The following DLC1 variants were observed in gnomAD, a reference collection of about 807,000 sequenced individuals.
DLC1 encodes DLC1 Rho GTPase activating protein.
In DLC1, 54 loss-of-function variants were observed where a neutral mutation model predicts 140.3. The observed-to-expected ratio is 0.38, with a 90% confidence interval of 0.31 to 0.48. The LOEUF (loss-of-function observed/expected upper bound fraction) is 0.48. Ranked by LOEUF, DLC1 falls within the 20% of genes least tolerant of loss-of-function variation. The pLI is 0.96. For synonymous variants in DLC1, 986 were observed against 728.1 expected (o/e 1.35, Z -5.70); for missense variants, 2,536 against 1,907.0 (o/e 1.33, Z -6.14).
chr8:13,374,465 AGGG>A (rs1023977193), intron 4 of DLC1, among the ~76,000 whole-genome samples: 1 of 152,132 alleles, frequency 6.6e-6, no homozygotes, highest in African/African-American at 2.4e-5. Flanking sequence ...GAGTGAGGGA[AGGG>A]GGCCAAAATT....
rs1838825354 is a variant in DLC1, at chr8:13,430,721, G to T, written c.1024-29102C>A. On this transcript the variant is annotated intron_variant, in intron 2 of 17. Coordinates refer to ENST00000276297, the MANE Select transcript of DLC1 (RefSeq NM_182643.3). ...TAAAAATCTAGACAATGGGAAGGCT[G>T]AAAAGAATCAACATTTATTTCTTGG... Among the ~76,000 whole-genome samples, 3 of 152,140 alleles carry T rather than the reference G, an allele frequency of 2.0e-5. No individual in the cohort carries two copies. The South Asian group carries it at 6.2e-4, about 32-fold the overall frequency.
At chr8:13,568,501 A>C (rs1308714691) in intron 1 of DLC1, among the ~76,000 whole-genome samples, 1 of 152,130 alleles carries the variant, frequency 6.6e-6, no homozygotes, top group Non-Finnish European at 1.5e-5. Flanking sequence ...GGTGCAAAAT[A>C]AATTGGGGTA....
At chr8:13,369,373 A>AT (rs1163474253) in intron 4 of DLC1, among the ~76,000 whole-genome samples, 1 of 150,564 alleles carries the variant, frequency 6.6e-6, no homozygotes, top group Non-Finnish European at 1.5e-5. Flanking sequence ...AAAAAAAAAA[A>AT]GATTACAAAT....
At chr8:13,542,307 A>G (rs1803510702) in intron 1 of DLC1, among the ~76,000 whole-genome samples, 3 of 152,168 alleles carry the variant, frequency 2.0e-5, no homozygotes, top group African/African-American at 2.4e-5. Flanking sequence ...TGAAAGGACA[A>G]TTCTTTCTTC....
At chr8:13,234,229 A>C (rs1233231349) in intron 5 of DLC1, among the ~76,000 whole-genome samples, 1 of 152,168 alleles carries the variant, frequency 6.6e-6, no homozygotes, top group Non-Finnish European at 1.5e-5. Flanking sequence ...TCAAAGCTTA[A>C]GGCCAAGTCA....
Position 13,353,407 on chromosome 8 carries a change from G to T in DLC1, c.1314+40146C>A, listed in dbSNP as rs181680895. 7 of 151,868 alleles carry T rather than the reference G, an allele frequency of 4.6e-5. No individual in the cohort carries two copies. In the South Asian group the frequency reaches 1.3e-3, roughly 27 times the overall value. The allele number at this position is 151,868 out of a possible 1,614,324, so 9.4% of individuals were successfully genotyped here. Reference sequence around the variant, plus strand: ...AAAACAACAACAGGCCAGGCGTTCTGGTTGGTTGCCCCATTGAGTAATGAT... The same window carrying T: ...AAAACAACAACAGGCCAGGCGTTCTTGTTGGTTGCCCCATTGAGTAATGAT... On this transcript the variant is annotated intron_variant, in intron 4 of 17. Transcript: ENST00000276297.
chr8:13,241,866 C>G (rs1381823139), intron 5 of DLC1, among the ~76,000 whole-genome samples: 1 of 152,074 alleles, frequency 6.6e-6, no homozygotes, highest in African/African-American at 2.4e-5. Context: ...CTCTTAGCAG[C>G]TTGCCTTGTG....
intron 1 of DLC1, among the ~76,000 whole-genome samples, chr8:13,534,294 A>G (rs1803195752): frequency 6.6e-6 from 1 of 152,130 alleles, no homozygotes; most frequent in Non-Finnish European, 1.5e-5. Flanking sequence ...ACATGTTTGC[A>G]CTACCTTTTA....
At chr8:13,303,818 A>C (rs1369827812) in intron 5 of DLC1, among the ~76,000 whole-genome samples, 2 of 152,186 alleles carry the variant, frequency 1.3e-5, no homozygotes, top group Non-Finnish European at 2.9e-5. Flanking sequence ...AAATATTAAA[A>C]ATAAAAATAT....
At chr8:13,301,722 G>T (rs190978191) in intron 5 of DLC1, among the ~76,000 whole-genome samples, 9 of 152,334 alleles carry the variant, frequency 5.9e-5, no homozygotes, top group Admixed American at 5.9e-4. Flanking sequence ...AGGCTGCACA[G>T]CAGGAGATGG....
chr8:13,458,455 A>G (rs1391428392), intron 2 of DLC1, among the ~76,000 whole-genome samples: 1 of 152,232 alleles, frequency 6.6e-6, no homozygotes, highest in South Asian at 2.1e-4. Context: ...GGTAAGATAC[A>G]GTCAGCAAAA....
At chr8:13,587,651 T>C (rs1385534135) in intron 1 of DLC1, among the ~76,000 whole-genome samples, 1 of 149,864 alleles carries the variant, frequency 6.7e-6, no homozygotes, top group Non-Finnish European at 1.5e-5. Context: ...TATGTATGTT[T>C]ATATAGGCGA....
intron 5 of DLC1, among the ~76,000 whole-genome samples, chr8:13,278,264 T>A (rs189494940): frequency 1.2e-4 from 18 of 152,294 alleles, no homozygotes; most frequent in Non-Finnish European, 1.6e-4. Context: ...TCAGAAAATA[T>A]GATTGCCTAA....
At chr8:13,247,267 G>A (rs1035300295) in intron 5 of DLC1, among the ~76,000 whole-genome samples, 1 of 152,158 alleles carries the variant, frequency 6.6e-6, no homozygotes, top group Non-Finnish European at 1.5e-5. Context: ...ATCTGCTTGT[G>A]CAATTTGGCA....
intron 1 of DLC1, among the ~76,000 whole-genome samples, chr8:13,535,165 A>G (rs1252237213): frequency 2.6e-5 from 4 of 152,190 alleles, no homozygotes; most frequent in Non-Finnish European, 4.4e-5. Flanking sequence ...AAAAACATAT[A>G]TACTAATTAA....
At chr8:13,594,931 A>G (rs115499918) in intron 1 of DLC1, among the ~76,000 whole-genome samples, 2,223 of 151,994 alleles carry the variant, frequency 0.015, 59 homozygotes, top group African/African-American at 0.051. Context: ...TTGATGTTCA[A>G]TGTGACTATT....
At chr8:13,530,499 G>T (rs1008777901) in intron 1 of DLC1, among the ~76,000 whole-genome samples, 1 of 152,124 alleles carries the variant, frequency 6.6e-6, no homozygotes, top group African/African-American at 2.4e-5. Flanking sequence ...TGGCTTTGCT[G>T]TGTGTGTGCA....
intron 2 of DLC1, among the ~76,000 whole-genome samples, chr8:13,402,631 C>G (rs144228918): frequency 6.6e-6 from 1 of 152,310 alleles, no homozygotes; most frequent in East Asian, 1.9e-4. Flanking sequence ...AAAAGGACCA[C>G]CAGTGGCTGA....
intron 1 of DLC1, among the ~76,000 whole-genome samples, chr8:13,593,104 C>A (rs573400528): frequency 6.6e-6 from 1 of 152,200 alleles, no homozygotes; most frequent in South Asian, 2.1e-4. Flanking sequence ...CTGCAGTACT[C>A]CTCACCTCAC....
Sources: allele counts gnomAD v4.1 joint callset (sites outside exome capture counted in the v4.1 genomes callset), GRCh38; gene constraint gnomAD v4.1.1; transcripts MANE v1.5; gene names NCBI Gene and HGNC (gene_info 2026-07-23, HGNC 2026-07-21).